DCUN1D4: variants seen among roughly 807,000 people sequenced by gnomAD.
DCUN1D4 encodes defective in cullin neddylation 1 domain containing 4.
A neutral mutation model predicts 47.9 loss-of-function variants in DCUN1D4; 22 were observed. The ratio of observed to expected loss-of-function variants is 0.46; its 90% CI spans 0.33 to 0.66. The LOEUF is 0.66. DCUN1D4 is among the 30% of genes least tolerant of loss of function. DCUN1D4 has a pLI of 0.02. For missense variants in DCUN1D4, 301 were observed against 340.8 expected, an observed-to-expected ratio of 0.88 and a Z score of 0.92; for synonymous variants, 121 against 112.2, an observed-to-expected ratio of 1.08 and a Z score of -0.50.
At chr4:51,863,323 CA>C in intron 1 of DCUN1D4, 113 bp from the exon 2 acceptor site, 1 of 850,030 alleles carries the variant, frequency 1.2e-6, no homozygotes, top group Non-Finnish European at 1.9e-6. Context: ...ACTTTAGTGT[CA>C]AATTAATTGA....
chr4:51,886,943 A>G (rs1029118193), intron 6 of DCUN1D4: 3 of 420,938 alleles, frequency 7.1e-6, no homozygotes, highest in Non-Finnish European at 1.3e-5. Flanking sequence ...ACTGGAGGCC[A>G]CATTGTACGC....
In DCUN1D4 at chr4:51,915,897, C is replaced by A. The variant is rs73815265; in HGVS notation, c.*2313C>A. The stretch of plus-strand genomic sequence containing the variant: ...GCATATTAAGAAAACTCCAAATAAT[C>A]TTTAAACTGCCTTGAAAAATAAACC... On this transcript the variant is annotated 3_prime_UTR_variant, in exon 11 of 11. Coordinates refer to ENST00000334635, the MANE Select transcript of DCUN1D4 (RefSeq NM_001040402.3). The A allele has an allele frequency of 5.1e-4, 78 of 152,626 alleles. No individual in the cohort carries two copies. The highest frequency in any genetic ancestry group is 1.8e-3 in the African/African-American group (74 of 41,558). The allele number at this position is 152,626 out of a possible 1,614,324, so 9.5% of individuals were successfully genotyped here. A position where few individuals can be genotyped will look rare whatever the true frequency, so the allele number is the denominator to read the frequency against.
At chr4:51,910,604 T>A (rs986857272) in intron 8 of DCUN1D4, 2 of 158,128 alleles carry the variant, frequency 1.3e-5, no homozygotes, top group African/African-American at 4.8e-5. Flanking sequence ...AAAATATTTA[T>A]CAATGAAATC....
At chr4:51,858,040 G>A (rs1577869099) in intron 1 of DCUN1D4, among the ~76,000 whole-genome samples, 1 of 152,158 alleles carries the variant, frequency 6.6e-6, no homozygotes, top group African/African-American at 2.4e-5. Flanking sequence ...TTAATGCTGT[G>A]AAGAAAAGCA....
intron 1 of DCUN1D4, among the ~76,000 whole-genome samples, chr4:51,861,109 T>C (rs1724984676): frequency 6.6e-6 from 1 of 152,224 alleles, no homozygotes; most frequent in African/African-American, 2.4e-5. Context: ...ATAAATATTT[T>C]CAACCATACA....
chr4:51,868,846 G>A (rs768686295), intron 3 of DCUN1D4, among the ~76,000 whole-genome samples: 65 of 152,192 alleles, frequency 4.3e-4, no homozygotes, highest in Non-Finnish European at 8.4e-4. Context: ...CAGGCTGGGT[G>A]TGGTGGCTCA....
intron 8 of DCUN1D4, among the ~76,000 whole-genome samples, chr4:51,905,737 A>T (rs1380578714): frequency 6.6e-6 from 1 of 152,148 alleles, no homozygotes; most frequent in African/African-American, 2.4e-5. Context: ...AGGCTGGCGC[A>T]TGGGATTTGG....
In DCUN1D4 at chr4:51,892,949, A is replaced by G. The variant is rs1046670394; in HGVS notation, c.506+1098A>G. Reference sequence around the variant, plus strand: ...TAATTTTGGAATTTGTCCACTTTTAATATCACTGTCCATTTGTTATTGTTG... The same window carrying G: ...TAATTTTGGAATTTGTCCACTTTTAGTATCACTGTCCATTTGTTATTGTTG... On this transcript the variant is annotated intron_variant, in intron 7 of 10. Transcript: ENST00000334635. Among the ~76,000 whole-genome samples the G allele has an allele frequency of 2.6e-5, 4 of 152,238 alleles. No homozygotes were observed. The East Asian group carries it at 5.8e-4, about 22-fold the overall frequency.
chr4:51,905,014 A>C (rs1321758321), intron 8 of DCUN1D4, among the ~76,000 whole-genome samples: 2 of 152,170 alleles, frequency 1.3e-5, no homozygotes, highest in African/African-American at 4.8e-5. Flanking sequence ...CTACAGTACA[A>C]CACCAGAAAA....
At chr4:51,851,893 A>C (rs1255602570) in intron 1 of DCUN1D4, among the ~76,000 whole-genome samples, 1 of 152,218 alleles carries the variant, frequency 6.6e-6, no homozygotes, top group African/African-American at 2.4e-5. Flanking sequence ...GTGAATTGAG[A>C]TTCTAACTCA....
At chr4:51,860,989 GA>G (rs1459501387) in intron 1 of DCUN1D4, among the ~76,000 whole-genome samples, 1 of 152,212 alleles carries the variant, frequency 6.6e-6, no homozygotes, top group Non-Finnish European at 1.5e-5. Flanking sequence ...GTGGTATGGA[GA>G]ATGGTGTAAG....
intron 7 of DCUN1D4, among the ~76,000 whole-genome samples, chr4:51,898,179 G>A (rs1731549793): frequency 1.3e-5 from 2 of 152,192 alleles, no homozygotes; most frequent in South Asian, 4.1e-4. Context: ...AGGGAAGCAT[G>A]GCATGCCACA....
intron 7 of DCUN1D4, among the ~76,000 whole-genome samples, chr4:51,892,668 C>T (rs1218909657): frequency 3.3e-5 from 5 of 152,128 alleles, no homozygotes; most frequent in South Asian, 2.1e-4. Context: ...GCAATATGTG[C>T]GTGTGTGCAT....
chr4:51,886,841 T>G (rs2110042977), intron 6 of DCUN1D4: 1 of 539,988 alleles, frequency 1.9e-6, no homozygotes, highest in Non-Finnish European at 3.3e-6. Context: ...TACAGTTATT[T>G]TTTCTCTCAT....
intron 9 of DCUN1D4, 130 bp from the exon 10 acceptor site, chr4:51,913,160 G>T (rs1167215364): frequency 5.5e-5 from 31 of 563,436 alleles, no homozygotes; most frequent in Non-Finnish European, 3.1e-6. Context: ...CTAGATTGGT[G>T]CTTAACAAAC....
chr4:51,871,832 T>C, intron 3 of DCUN1D4, among the ~76,000 whole-genome samples: 1 of 152,218 alleles, frequency 6.6e-6, no homozygotes, highest in South Asian at 2.1e-4. Flanking sequence ...TGCAATTCTT[T>C]GGACCTTTTA....
At position 51,911,239 on chromosome 4, in the gene DCUN1D4, AC is replaced by A. The variant is rs1471044181; in HGVS notation, c.720+68del. The A allele has an allele frequency of 2.8e-6, 4 of 1,418,940 alleles. No individual in the cohort carries two copies. The South Asian group carries it at 4.8e-5, about 17-fold the overall frequency. 87.9% of individuals were successfully genotyped at this position (1,418,940 alleles called of 1,614,324 possible). A position where few individuals can be genotyped will look rare whatever the true frequency, so the allele number is the denominator to read the frequency against. ...TTGGAACTACCAAATAACTTTATTC[AC>A]CCGTTGTATGTAATTTTTTGTTTGT... On this transcript the variant is annotated intron_variant, in intron 9 of 10. Transcript: ENST00000334635.
intron 8 of DCUN1D4, chr4:51,905,072 AG>A (rs1206857279): frequency 2.7e-6 from 1 of 368,170 alleles, no homozygotes; most frequent in African/African-American, 2.1e-5. Context: ...TGCAGCCCCA[AG>A]GGGCTGATCA....
intron 4 of DCUN1D4, among the ~76,000 whole-genome samples, chr4:51,875,894 A>G (rs894856337): frequency 2.5e-4 from 38 of 152,014 alleles, no homozygotes; most frequent in Non-Finnish European, 4.9e-4. Context: ...TTGACCATTT[A>G]CAGGCTTTGA....
Sources: gnomAD v4.1 joint callset for allele counts (sites outside exome capture counted in the v4.1 genomes callset) on GRCh38, gnomAD v4.1.1 for gene constraint, MANE v1.5 for transcripts, NCBI Gene and HGNC (gene_info 2026-07-23, HGNC 2026-07-21) for gene names.